Variants in CASTOR2 observed in about 807,000 individuals in gnomAD.
CASTOR2 encodes the protein cytosolic arginine sensor for mTORC1 subunit 2, also known as GATS protein like 2.
A neutral mutation model predicts 31.2 loss-of-function variants in CASTOR2; 8 were observed. The ratio of observed to expected loss-of-function variants is 0.26; its 90% CI spans 0.15 to 0.46. The LOEUF is 0.46. CASTOR2 is among the 20% of genes least tolerant of loss of function. The probability of loss-of-function intolerance (pLI) is 0.99; values close to 1 mark genes in which losing one functional copy is unlikely to be tolerated. For missense variants in CASTOR2, 216 were observed against 382.1 expected (o/e 0.57, Z 3.62); for synonymous variants, 162 against 158.7 (o/e 1.02, Z -0.16).
Position 75,029,639 on chromosome 7 carries a change from T to C in CASTOR2, c.*4940T>C, listed in dbSNP as rs34863951. ...GATTACAGGCATGAGATACCCCGCC[T>C]GGCCAATGGGATTTTTGACGCCACT... On this transcript the variant is annotated 3_prime_UTR_variant, in exon 9 of 9. Coordinates refer to ENST00000616305, the MANE Select transcript of CASTOR2 (RefSeq NM_001145064.3). 0.31 allele frequency among the ~76,000 whole-genome samples: 46,412 copies of C among 151,864 alleles called. 7,355 individuals are homozygous for C. Among genetic ancestry groups the C allele is most frequent in the Middle Eastern group, 0.52 (154 of 294 alleles).
intron 2 of CASTOR2, among the ~76,000 whole-genome samples, chr7:75,017,209 G>C (rs1230751948): frequency 1.3e-5 from 2 of 152,178 alleles, no homozygotes; most frequent in African/African-American, 4.8e-5. Context: ...AGCACTTGGG[G>C]AGGCTGATGC....
rs1385406716 is a variant in CASTOR2, at chr7:75,025,640, C to T, written c.*941C>T. Among the ~76,000 whole-genome samples the T allele has an allele frequency of 2.0e-5, 3 of 152,278 alleles. No homozygotes were observed. The highest frequency in any genetic ancestry group is 2.9e-5 in the Non-Finnish European group (2 of 68,048). On this transcript the variant is annotated 3_prime_UTR_variant, in exon 9 of 9. Transcript: ENST00000616305. ...TCTGCCCCCAAGTCACCTGCCTGCC[C>T]ACCCGCCCCTTGGCTGGGGGCTGTG...
chr7:74,975,830 C>T, intron 1 of CASTOR2, among the ~76,000 whole-genome samples: 2 of 123,852 alleles, frequency 1.6e-5, no homozygotes. Flanking sequence ...GAAAGGATGG[C>T]TTCTGCGTGG....
chr7:75,028,790 T>C lies in CASTOR2; in HGVS notation c.*4091T>C, dbSNP rs1037535516. 0.94 allele frequency among the ~76,000 whole-genome samples: 143,397 copies of C among 152,278 alleles called. 67,511 individuals are homozygous for C. Among genetic ancestry groups the C allele is most frequent in the Middle Eastern group, 0.98 (287 of 294 alleles). On this transcript the variant is annotated 3_prime_UTR_variant, in exon 9 of 9. Coordinates refer to ENST00000616305, the MANE Select transcript of CASTOR2 (RefSeq NM_001145064.3). ...CTTCAAGGGGCACTGCCCACACCAC[T>C]GTCCTCAGCCCGAGGCATGCATCTG... is the stretch of plus-strand genomic sequence containing the variant.
intron 2 of CASTOR2, among the ~76,000 whole-genome samples, chr7:75,016,905 G>T (rs1229436625): frequency 6.6e-6 from 1 of 152,204 alleles, no homozygotes; most frequent in Non-Finnish European, 1.5e-5. Flanking sequence ...AGTGGCTCAC[G>T]CCTGTAATCC....
At position 74,983,609 on chromosome 7, in the gene CASTOR2, C is replaced by T. The variant is rs782029104; in HGVS notation, c.113+18511C>T. Among the ~76,000 whole-genome samples, 23 of 151,802 alleles carry T rather than the reference C, an allele frequency of 1.5e-4. 1 individual carries two copies. The highest frequency in any genetic ancestry group is 5.9e-4 in the Admixed American group (9 of 15,216). On this transcript the variant is annotated intron_variant, in intron 1 of 8. Transcript: ENST00000616305. ...GGTTGGCTGTGAGTCGTGTGCATCT[C>T]CTGCCCTGACCCCCTCTGCAAGCTT... is the stretch of plus-strand genomic sequence containing the variant.
chr7:75,026,189 G>GTTTTT lies in CASTOR2; in HGVS notation c.*1503_*1507dup, dbSNP rs879121750. On this transcript the variant is annotated 3_prime_UTR_variant, in exon 9 of 9. Transcript: ENST00000616305. ...CCCTGTGGTTTTGGCTCTGGCGGGG[G>GTTTTT]TTTTTTTTTTTTTTTTTGAGATGGG... Among the ~76,000 whole-genome samples, 62 of 117,688 alleles carry GTTTTT rather than the reference G, an allele frequency of 5.3e-4. 1 individual carries two copies. Among genetic ancestry groups the GTTTTT allele is most frequent in the South Asian group, 1.4e-3 (5 of 3,612 alleles). 77.2% of individuals were successfully genotyped at this position (117,688 alleles called of 152,430 possible).
intron 4 of CASTOR2, among the ~76,000 whole-genome samples, chr7:75,018,648 C>T (rs1195128630): frequency 2.0e-5 from 3 of 152,228 alleles, no homozygotes; most frequent in Non-Finnish European, 4.4e-5. Flanking sequence ...ACTCCTGCTG[C>T]AGCCCAGGTG....
intron 1 of CASTOR2, among the ~76,000 whole-genome samples, chr7:74,996,998 G>A (rs1804368509): frequency 6.6e-6 from 1 of 151,694 alleles, no homozygotes; most frequent in Non-Finnish European, 1.5e-5. Flanking sequence ...GCCTCCCAAA[G>A]TGCTGGGATT....
chr7:75,021,324 G>A (rs1354224753), intron 6 of CASTOR2, among the ~76,000 whole-genome samples: 2 of 151,962 alleles, frequency 1.3e-5, no homozygotes, highest in Non-Finnish European at 2.9e-5. Flanking sequence ...ATGGGGCTTC[G>A]CCATGCTGAC....
rs587712634 is a variant in CASTOR2, at chr7:75,013,245, G to A, written c.185-4353G>A. Among the ~76,000 whole-genome samples the A allele has an allele frequency of 2.6e-3, 402 of 152,360 alleles. 1 individual carries two copies. Among genetic ancestry groups the A allele is most frequent in the Non-Finnish European group, 4.8e-3 (324 of 68,038 alleles). ...TGGCAGCTTTGATAGTTAGAAGCTA[G>A]CAGCTGGCCATGGTTCAGTGGATGC... On this transcript the variant is annotated intron_variant, in intron 2 of 8. Coordinates refer to ENST00000616305, the MANE Select transcript of CASTOR2 (RefSeq NM_001145064.3).
In CASTOR2 at chr7:75,030,753, C is replaced by T. The variant is rs1194443317; in HGVS notation, c.*6054C>T. On this transcript the variant is annotated 3_prime_UTR_variant, in exon 9 of 9. Transcript: ENST00000616305. The stretch of plus-strand genomic sequence containing the variant: ...TTTATCCCTAGCCTCAGAATTCACA[C>T]GCCGTTGCCTCCACCATGCTCTGGT... Among the ~76,000 whole-genome samples, 3 of 152,168 alleles carry T rather than the reference C, an allele frequency of 2.0e-5. No homozygotes were observed. The highest frequency in any genetic ancestry group is 2.9e-5 in the Non-Finnish European group (2 of 68,034).
intron 2 of CASTOR2, among the ~76,000 whole-genome samples, chr7:75,014,659 C>G (rs1184513192): frequency 1.3e-5 from 2 of 152,118 alleles, no homozygotes; most frequent in Non-Finnish European, 2.9e-5. Context: ...GGCGGGTAGA[C>G]CAATCCATCA....
At chr7:74,997,277 G>T (rs1407450899) in intron 1 of CASTOR2, among the ~76,000 whole-genome samples, 13 of 151,910 alleles carry the variant, frequency 8.6e-5, no homozygotes, top group African/African-American at 3.1e-4. Context: ...TGCCCAGGCT[G>T]GTCACCTGGT....
chr7:74,994,739 G>A (rs1241079468), intron 1 of CASTOR2, among the ~76,000 whole-genome samples: 2 of 150,930 alleles, frequency 1.3e-5, no homozygotes, highest in African/African-American at 2.4e-5. Flanking sequence ...AACAAAGCAA[G>A]ACTCCATCTC....
intron 7 of CASTOR2, among the ~76,000 whole-genome samples, chr7:75,024,067 C>A (rs1474832627): frequency 3.9e-5 from 6 of 152,054 alleles, no homozygotes; most frequent in Non-Finnish European, 5.9e-5. Flanking sequence ...GTGGGTGGAT[C>A]ATTTGAGTAC....
At chr7:75,023,401 T>A (rs1805051373) in intron 7 of CASTOR2, among the ~76,000 whole-genome samples, 1 of 152,118 alleles carries the variant, frequency 6.6e-6, no homozygotes, top group Non-Finnish European at 1.5e-5. Context: ...CCCTAAGACT[T>A]AGTCTTTCCT....
chr7:75,021,686 T>A (rs1308809985), intron 6 of CASTOR2, among the ~76,000 whole-genome samples, 188 bp from the exon 7 acceptor site: 2 of 152,002 alleles, frequency 1.3e-5, no homozygotes, highest in Non-Finnish European at 2.9e-5. Flanking sequence ...CCGCCTCCCC[T>A]CAAGACGAGG....
At chr7:75,011,765 C>T (rs1231562451) in intron 2 of CASTOR2, among the ~76,000 whole-genome samples, 2 of 134,550 alleles carry the variant, frequency 1.5e-5, no homozygotes, top group Non-Finnish European at 3.1e-5. Flanking sequence ...AAAAGGAGTT[C>T]GAGACCAGCC....
Sources: gnomAD v4.1 joint callset for allele counts (sites outside exome capture counted in the v4.1 genomes callset) on GRCh38, gnomAD v4.1.1 for gene constraint, MANE v1.5 for transcripts, NCBI Gene and HGNC (gene_info 2026-07-23, HGNC 2026-07-21) for gene names.